LYPD8: variants seen among roughly 807,000 people sequenced by gnomAD.
LYPD8 encodes the protein LY6/PLAUR domain containing 8.
In LYPD8, 8 loss-of-function variants were observed where a neutral mutation model predicts 1.7. The ratio of observed to expected loss-of-function variants is 4.58; its 90% CI spans 2.69 to 8.27. The LOEUF (loss-of-function observed/expected upper bound fraction) is 8.27. Ranked by LOEUF, LYPD8 falls within the 30% of genes most tolerant of loss-of-function variation. The probability of loss-of-function intolerance (pLI) is 0.00; values close to 1 mark genes in which losing one functional copy is unlikely to be tolerated. For synonymous variants in LYPD8, 50 were observed against 43.6 expected (o/e 1.15, Z -0.58); for missense variants, 112 against 102.3 (o/e 1.09, Z -0.41).
chr1:248,753,221 AC>A (rs1558208942), intron 2 of LYPD8, among the ~76,000 whole-genome samples: 1 of 103,390 alleles, frequency 9.7e-6, no homozygotes, highest in Admixed American at 9.6e-5. Flanking sequence ...CACACACCAC[AC>A]CACACACACA....
At chr1:248,753,368 TACAC>T (rs1464273666) in intron 2 of LYPD8, among the ~76,000 whole-genome samples, 2 of 42,494 alleles carry the variant, frequency 4.7e-5, no homozygotes, top group Admixed American at 3.1e-4. Context: ...ACACATCACA[TACAC>T]ACCACACACC....
rs564478679 is a variant in LYPD8 at position 248,742,125 on chromosome 1, A to G, written c.476-2276T>C. On this transcript the variant is annotated intron_variant, in intron 6 of 6. Coordinates refer to ENST00000590317, the MANE Select transcript of LYPD8 (RefSeq NM_001085474.2). ...ATCAACTTTGGGTGAGGCTGTATCA[A>G]TGTAGCCTCACTGCTTAGAAAAAAT... Among the ~76,000 whole-genome samples, 102 of 152,354 alleles carry G rather than the reference A, an allele frequency of 6.7e-4. 1 individual carries two copies. The highest frequency in any genetic ancestry group is 2.3e-3 in the African/African-American group (94 of 41,578).
chr1:248,748,486 T>C, intron 4 of LYPD8, 33 bp from the exon 5 acceptor site: 1 of 400,592 alleles, frequency 2.5e-6, no homozygotes, highest in South Asian at 1.2e-4. Flanking sequence ...TGTCAGCCCC[T>C]GGTAAGGAGG....
rs113917587 is a variant in LYPD8, at chr1:248,739,449, A to G, written c.*162T>C. 6.7e-3 allele frequency: 6,261 copies of G among 940,864 alleles called. 72 individuals carry two copies. The highest frequency in any genetic ancestry group is 0.025 in the African/African-American group (1,504 of 60,242). 58.3% of individuals were successfully genotyped at this position (940,864 alleles called of 1,614,324 possible). A position where few individuals can be genotyped will look rare whatever the true frequency, so the allele number is the denominator to read the frequency against. On this transcript the variant is annotated 3_prime_UTR_variant, in exon 7 of 7. Transcript: ENST00000590317. The surrounding 1 kb of genome is among the most constrained non-coding windows in gnomAD (Gnocchi z 4.3). ...TGAATGAACCAGTGCTTTAATAATG[A>G]AGAACAAGGCAGCTGTCGGCATTGC...
chr1:248,745,916 C>T (rs931845436), intron 5 of LYPD8, among the ~76,000 whole-genome samples: 11 of 152,332 alleles, frequency 7.2e-5, no homozygotes, highest in Middle Eastern at 6.8e-3. Flanking sequence ...ACTTATTTCA[C>T]TCTCTTTCTC....
At chr1:248,753,092 A>ACACACAC (rs1341601384) in intron 2 of LYPD8, among the ~76,000 whole-genome samples, 2 of 94,020 alleles carry the variant, frequency 2.1e-5, no homozygotes, top group African/African-American at 4.5e-5. Context: ...ACCACACTAC[A>ACACACAC]CACACACCAC....
intron 2 of LYPD8, among the ~76,000 whole-genome samples, chr1:248,754,531 C>T (rs903926126): frequency 6.6e-6 from 1 of 151,124 alleles, no homozygotes; most frequent in African/African-American, 2.4e-5. Context: ...GACACATACA[C>T]ATCACACACC....
intron 6 of LYPD8, among the ~76,000 whole-genome samples, chr1:248,740,866 C>G (rs543366008): frequency 4.6e-5 from 7 of 152,204 alleles, no homozygotes. Context: ...AGGTGTCTCA[C>G]GCCTGTAATC....
intron 4 of LYPD8, among the ~76,000 whole-genome samples, chr1:248,749,496 TACA>T (rs1662762177): frequency 6.6e-6 from 1 of 152,182 alleles, no homozygotes; most frequent in African/African-American, 2.4e-5. Context: ...GTCTGCAAAG[TACA>T]ACATCAAAGT....
rs1199118568 is a variant in LYPD8, at chr1:248,753,469, ACAC to A, written c.-50+1767_-50+1769del. Reference sequence around the variant, plus strand: ...ACACACAACACACACCCCACACAACACACCACATCACACACACATCACACAACA... The same window carrying A: ...ACACACAACACACACCCCACACAACACACATCACACACACATCACACAACA... On this transcript the variant is annotated intron_variant, in intron 2 of 6. Coordinates refer to ENST00000590317, the MANE Select transcript of LYPD8 (RefSeq NM_001085474.2). Among the ~76,000 whole-genome samples, 14 of 128,946 alleles carry A rather than the reference ACAC, an allele frequency of 1.1e-4. No homozygotes were observed. In the South Asian group the frequency reaches 2.6e-3, roughly 24 times the overall value. 84.6% of individuals were successfully genotyped at this position (128,946 alleles called of 152,430 possible). A position where few individuals can be genotyped will look rare whatever the true frequency, so the allele number is the denominator to read the frequency against.
At chr1:248,752,110 A>G (rs1662810083) in intron 2 of LYPD8, among the ~76,000 whole-genome samples, 1 of 152,198 alleles carries the variant, frequency 6.6e-6, no homozygotes, top group South Asian at 2.1e-4. Flanking sequence ...ATAGTTATTT[A>G]TGATTCTTCG....
At chr1:248,744,833 G>A (rs541565301) in intron 6 of LYPD8, among the ~76,000 whole-genome samples, 13 of 152,266 alleles carry the variant, frequency 8.5e-5, no homozygotes, top group South Asian at 6.2e-4. Flanking sequence ...AGAATGATGC[G>A]ACCTGGTAAA....
chr1:248,752,784 C>CCA (rs1191415536), intron 2 of LYPD8, among the ~76,000 whole-genome samples: 1 of 103,986 alleles, frequency 9.6e-6, no homozygotes, highest in Non-Finnish European at 1.9e-5. Context: ...ACAACACACA[C>CCA]CACACACACA....
Position 248,751,070 on chromosome 1 carries a change from GA to G in LYPD8, c.11del (p.Ile4ThrfsTer14). 1 of 398,638 alleles carries G rather than the reference GA, an allele frequency of 2.5e-6. No individual in the cohort carries two copies. The highest frequency in any genetic ancestry group is 4.4e-5 in the Admixed American group (1 of 22,742). 24.7% of individuals were successfully genotyped at this position (398,638 alleles called of 1,614,324 possible). MKG[I>X]LVAGITAVLV... is the part of the protein sequence containing the mutation. ...GCACTGCAGTGATACCAGCAACGAG[GA>G]TGCCCTTCATGGTGCTGGAGCTGAC... On this transcript the variant is annotated frameshift_variant, in exon 3 of 7. Coordinates refer to ENST00000590317, the MANE Select transcript of LYPD8 (RefSeq NM_001085474.2). LOFTEE classifies it high-confidence loss of function.
intron 2 of LYPD8, among the ~76,000 whole-genome samples, chr1:248,752,763 A>ACAT (rs2103172523): frequency 9.6e-6 from 1 of 103,766 alleles, no homozygotes; most frequent in East Asian, 3.4e-4. Flanking sequence ...CACACACACC[A>ACAT]CACACCCCAC....
At chr1:248,754,087 C>T (rs1662886625) in intron 2 of LYPD8, among the ~76,000 whole-genome samples, 1 of 149,372 alleles carries the variant, frequency 6.7e-6, no homozygotes, top group Non-Finnish European at 1.5e-5. Flanking sequence ...CACACATACA[C>T]CACATACACA....
chr1:248,741,234 T>C (rs1553283303), intron 6 of LYPD8, among the ~76,000 whole-genome samples: 1 of 152,184 alleles, frequency 6.6e-6, no homozygotes, highest in East Asian at 1.9e-4. Flanking sequence ...TGAGATGGAG[T>C]CTCGCTCTGT....
rs1016613774 is a variant in LYPD8, at chr1:248,754,832, C to T, written c.-50+407G>A. Among the ~76,000 whole-genome samples, 638 of 152,056 alleles carry T rather than the reference C, an allele frequency of 4.2e-3. 6 individuals carry two copies. Among genetic ancestry groups the T allele is most frequent in the African/African-American group, 0.015 (612 of 41,478 alleles). The stretch of plus-strand genomic sequence containing the variant: ...CGCCAGCCCCTCACCCCTCCAGGCC[C>T]GGTGCACCCCTACATGCCCGGGTGC... On this transcript the variant is annotated intron_variant, in intron 2 of 6. Coordinates refer to ENST00000590317, the MANE Select transcript of LYPD8 (RefSeq NM_001085474.2).
chr1:248,753,537 CCACATCACACAA>C (rs1224170908), intron 2 of LYPD8, among the ~76,000 whole-genome samples: 10 of 120,046 alleles, frequency 8.3e-5, no homozygotes, highest in South Asian at 2.8e-4. Flanking sequence ...ACACAACACA[CCACATCACACAA>C]AACACATCAC....
Sources: gnomAD v4.1 joint callset for allele counts (sites outside exome capture counted in the v4.1 genomes callset) on GRCh38, gnomAD v4.1.1 for gene constraint, Gnocchi (gnomAD v3.1) non-coding constraint, MANE v1.5 for transcripts, NCBI Gene and HGNC (gene_info 2026-07-23, HGNC 2026-07-21) for gene names.